The following MTUS2 variants were observed in gnomAD, a reference collection of about 807,000 sequenced individuals.
The protein encoded by MTUS2 is microtubule associated scaffold protein 2.
MTUS2 carries 40 observed loss-of-function variants against 114.1 expected under a neutral mutation model. The observed-to-expected ratio is 0.35, with a 90% confidence interval of 0.27 to 0.46. The LOEUF (loss-of-function observed/expected upper bound fraction) is 0.46. MTUS2 is among the 20% of genes least tolerant of loss of function. MTUS2 has a pLI of 1.00. For missense variants in MTUS2, 1,679 were observed against 1,705.4 expected, an observed-to-expected ratio of 0.98 and a Z score of 0.27; for synonymous variants, 688 against 672.0, an observed-to-expected ratio of 1.02 and a Z score of -0.37.
At chr13:28,908,538 T>A (rs1880197966) in intron 2 of MTUS2, among the ~76,000 whole-genome samples, 1 of 151,526 alleles carries the variant, frequency 6.6e-6, no homozygotes. Context: ...ATCCAGTCTA[T>A]CATTGTTGGA....
In MTUS2 at chr13:29,498,437, A is replaced by G. The variant is rs201430442; in HGVS notation, c.3698A>G (p.Gln1233Arg). 70 of 1,614,188 alleles carry G rather than the reference A, an allele frequency of 4.3e-5. No homozygotes were observed. In the Admixed American group the frequency reaches 1.2e-3, roughly 27 times the overall value. ...CTGTAGATTGCATTGGCTCCTTATC[A>G]GCACTTGGAAGAAGACATGAAGAGT... ...EQLEIALAPY[Q>R]HLEEDMKSLK... Residue 1233 changes from glutamine to arginine, a missense_variant, in exon 14 of 16, where the codon CAG becomes CGG. Gln to Arg is a conservative substitution (Grantham distance 43). This residue lies in a region of MTUS2 where 822 missense variants were observed against 899.7 expected (regional missense o/e 0.91). Coordinates refer to ENST00000612955, the MANE Select transcript of MTUS2 (RefSeq NM_001033602.4).
At chr13:28,922,915 C>G (rs773195300) in intron 2 of MTUS2, among the ~76,000 whole-genome samples, 3 of 152,196 alleles carry the variant, frequency 2.0e-5, no homozygotes, top group Non-Finnish European at 4.4e-5. Context: ...GTTCCACCAA[C>G]ATTTCTTAAA....
intron 6 of MTUS2, among the ~76,000 whole-genome samples, chr13:29,315,579 T>C (rs931577352): frequency 6.6e-6 from 1 of 152,186 alleles, no homozygotes; most frequent in African/African-American, 2.4e-5. Flanking sequence ...AAATTTGATG[T>C]CCCTATCTGT....
chr13:29,318,555 A>C (rs1350619516), intron 6 of MTUS2, among the ~76,000 whole-genome samples: 1 of 151,718 alleles, frequency 6.6e-6, no homozygotes, highest in Non-Finnish European at 1.5e-5. Context: ...TTGAGCCATC[A>C]CTCTTGATTG....
At chr13:29,353,946 A>G (rs1319139111) in intron 7 of MTUS2, among the ~76,000 whole-genome samples, 1 of 151,352 alleles carries the variant, frequency 6.6e-6, no homozygotes, top group Non-Finnish European at 1.5e-5. Context: ...ATTTGAGGTC[A>G]CTCTTCAGAT....
chr13:29,008,485 T>A (rs1263650779), intron 2 of MTUS2, among the ~76,000 whole-genome samples: 1 of 152,260 alleles, frequency 6.6e-6, no homozygotes, highest in African/African-American at 2.4e-5. Context: ...TCATCTGTCC[T>A]GGCTCCCCTG....
intron 2 of MTUS2, among the ~76,000 whole-genome samples, chr13:28,970,803 A>G (rs556317802): frequency 1.3e-5 from 2 of 152,318 alleles, no homozygotes; most frequent in East Asian, 1.9e-4. Context: ...TATCAGGGCC[A>G]TGGAGCAAGA....
chr13:28,890,504 A>T (rs1172905954), intron 2 of MTUS2, among the ~76,000 whole-genome samples: 1 of 152,146 alleles, frequency 6.6e-6, no homozygotes, highest in African/African-American at 2.4e-5. Context: ...GACAATAATA[A>T]TCTCTGTCTC....
At chr13:29,116,503 C>T (rs1427187660) in intron 5 of MTUS2, among the ~76,000 whole-genome samples, 1 of 152,042 alleles carries the variant, frequency 6.6e-6, no homozygotes, top group Non-Finnish European at 1.5e-5. Flanking sequence ...TGGATGGTAC[C>T]AAAGGATACA....
At chr13:28,884,822 C>T (rs1878498015) in intron 2 of MTUS2, among the ~76,000 whole-genome samples, 1 of 151,932 alleles carries the variant, frequency 6.6e-6, no homozygotes, top group East Asian at 1.9e-4. Flanking sequence ...CAAAATAACA[C>T]AAATAACACA....
At chr13:29,336,268 C>T (rs1262032960) in intron 7 of MTUS2, among the ~76,000 whole-genome samples, 1 of 150,492 alleles carries the variant, frequency 6.6e-6, no homozygotes, top group African/African-American at 2.5e-5. Context: ...TTTTCCTCAT[C>T]TTCATAGATT....
At chr13:29,455,973 C>G (rs894752429) in intron 9 of MTUS2, among the ~76,000 whole-genome samples, 1 of 151,218 alleles carries the variant, frequency 6.6e-6, no homozygotes, top group African/African-American at 2.4e-5. Flanking sequence ...AGAGCAAGAC[C>G]CTGTCTCAAA....
rs547267069 is a variant in MTUS2, at chr13:29,055,952, G to A, written c.2446+21827G>A. ...TTGTTTAACCTCCTTATAGATTCTG[G>A]ATATTAGACCTTTGTAGGATGCATA... is the stretch of plus-strand genomic sequence containing the variant. On this transcript the variant is annotated intron_variant, in intron 4 of 15. Transcript: ENST00000612955. Among the ~76,000 whole-genome samples the A allele has an allele frequency of 1.2e-4, 18 of 151,930 alleles. No individual in the cohort carries two copies. The South Asian group carries it at 3.5e-3, about 30-fold the overall frequency.
intron 5 of MTUS2, among the ~76,000 whole-genome samples, chr13:29,210,427 C>A (rs1895375893): frequency 6.6e-6 from 1 of 151,996 alleles, no homozygotes. Context: ...TTTTTCTGGC[C>A]ATTCAGAGAT....
chr13:28,911,508 C>T lies in MTUS2; in HGVS notation c.-243+71658C>T, dbSNP rs73437255. ...TAATATAATAATATATTTTCCTTTG[C>T]GTATATACCCAGTAACGAGATTGCT... On this transcript the variant is annotated intron_variant, in intron 2 of 15. Coordinates refer to ENST00000612955, the MANE Select transcript of MTUS2 (RefSeq NM_001033602.4). Among the ~76,000 whole-genome samples, 1,517 of 152,108 alleles carry T rather than the reference C, an allele frequency of 1.0e-2. 27 individuals are homozygous for T. Among genetic ancestry groups the T allele is most frequent in the African/African-American group, 0.034 (1,429 of 41,514 alleles).
chr13:29,470,672 T>C (rs117825497), intron 9 of MTUS2, among the ~76,000 whole-genome samples: 171 of 152,374 alleles, frequency 1.1e-3, no homozygotes, highest in Non-Finnish European at 1.6e-3. Flanking sequence ...TTTCCACTGT[T>C]ACCTGAGCAT....
intron 5 of MTUS2, among the ~76,000 whole-genome samples, chr13:29,107,725 C>G (rs890671096): frequency 2.6e-5 from 4 of 152,182 alleles, no homozygotes; most frequent in South Asian, 4.2e-4. Context: ...GGGCTAAAAC[C>G]CTACCTTTGA....
chr13:29,008,047 G>A lies in MTUS2; in HGVS notation c.-242-16410G>A, dbSNP rs74663689. Among the ~76,000 whole-genome samples the A allele has an allele frequency of 1.6e-3, 247 of 152,280 alleles. 1 individual carries two copies. Among genetic ancestry groups the A allele is most frequent in the African/African-American group, 5.6e-3 (233 of 41,550 alleles). The stretch of plus-strand genomic sequence containing the variant: ...GTCATGAAACATCCCCCCCACTGGA[G>A]TTAGTAAATGCCGCATGAGGCTGGT... On this transcript the variant is annotated intron_variant, in intron 2 of 15. Transcript: ENST00000612955.
intron 9 of MTUS2, among the ~76,000 whole-genome samples, chr13:29,445,917 AAAAG>A (rs1323033965): frequency 3.9e-5 from 6 of 151,972 alleles, no homozygotes; most frequent in Non-Finnish European, 2.9e-5. Context: ...CCAAAAAAAA[AAAAG>A]AGAGAGTTTA....
Sources: allele counts gnomAD v4.1 joint callset (sites outside exome capture counted in the v4.1 genomes callset), GRCh38; gene constraint gnomAD v4.1.1; regional missense constraint gnomAD v4.1.1; transcripts MANE v1.5; gene names NCBI Gene and HGNC (gene_info 2026-07-23, HGNC 2026-07-21).